JAK1: variants seen among roughly 807,000 people sequenced by gnomAD.
The protein encoded by JAK1 is Janus kinase 1.
In JAK1, 16 loss-of-function variants were observed where a neutral mutation model predicts 136.6. The observed-to-expected ratio is 0.12, with a 90% CI of 0.08 to 0.18. The LOEUF is 0.18. Among genes scored for constraint, JAK1 ranks in the 10% least tolerant of loss-of-function variants. The pLI is 1.00. For synonymous variants in JAK1, 492 were observed against 519.5 expected, an observed-to-expected ratio of 0.95 and a Z score of 0.72; for missense variants, 859 against 1,450.1, an observed-to-expected ratio of 0.59 and a Z score of 6.62.
At chr1:64,891,982 A>C (rs1007452824) in intron 1 of JAK1, among the ~76,000 whole-genome samples, 3 of 152,280 alleles carry the variant, frequency 2.0e-5, no homozygotes, top group Non-Finnish European at 2.9e-5. Flanking sequence ...AGGAGCCTGC[A>C]TTCAGTGAGA....
chr1:65,022,480 T>A (rs1328082744), intron 2 of JAK1, among the ~76,000 whole-genome samples: 1 of 152,074 alleles, frequency 6.6e-6, no homozygotes, highest in Non-Finnish European at 1.5e-5. Flanking sequence ...TCCATAGCCT[T>A]TCTGAGGCCC....
chr1:65,017,440 C>T (rs2100783867), intron 2 of JAK1, among the ~76,000 whole-genome samples: 1 of 152,144 alleles, frequency 6.6e-6, no homozygotes, highest in Non-Finnish European at 1.5e-5. Flanking sequence ...TGCACTCCAG[C>T]CTGGGCAACA....
intron 12 of JAK1, among the ~76,000 whole-genome samples, chr1:64,849,476 G>A (rs1655450414): frequency 6.6e-6 from 1 of 152,200 alleles, no homozygotes; most frequent in African/African-American, 2.4e-5. Context: ...GACGACAGGT[G>A]TGAGCCACTG....
intron 1 of JAK1, among the ~76,000 whole-genome samples, chr1:64,895,584 T>C (rs1450957703): frequency 6.6e-6 from 1 of 152,230 alleles, no homozygotes; most frequent in Non-Finnish European, 1.5e-5. Context: ...ACTTCTCTTT[T>C]CTCACAATGT....
chr1:65,024,832 C>T (rs2100800773), intron 2 of JAK1, among the ~76,000 whole-genome samples: 1 of 152,122 alleles, frequency 6.6e-6, no homozygotes, highest in Non-Finnish European at 1.5e-5. Flanking sequence ...CAAAAATTAG[C>T]CAGTCGTGGT....
intron 12 of JAK1, among the ~76,000 whole-genome samples, chr1:64,849,304 C>T (rs528159086): frequency 8.7e-4 from 133 of 152,324 alleles, no homozygotes; most frequent in Non-Finnish European, 1.5e-3. Context: ...ATCCTTCCAA[C>T]TCAGCCTCCT....
intron 11 of JAK1, among the ~76,000 whole-genome samples, chr1:64,855,008 T>C (rs1489098810): frequency 6.6e-6 from 1 of 152,242 alleles, no homozygotes; most frequent in Non-Finnish European, 1.5e-5. Flanking sequence ...CTCCAGGGTA[T>C]GATATCTATG....
chr1:65,037,807 A>T (rs116611675), intron 2 of JAK1, among the ~76,000 whole-genome samples: 1 of 152,274 alleles, frequency 6.6e-6, no homozygotes, highest in African/African-American at 2.4e-5. Flanking sequence ...TCAAGGCTGC[A>T]GTGAGCTGTG....
chr1:64,871,775 G>A (rs1322576618), intron 5 of JAK1, among the ~76,000 whole-genome samples: 3 of 152,144 alleles, frequency 2.0e-5, no homozygotes, highest in Non-Finnish European at 4.4e-5. Context: ...TGCTACACTA[G>A]GCCAAACCAG....
At chr1:64,838,435 A>G (rs368948803) in intron 21 of JAK1, 30 bp downstream of exon 21, 15 of 1,610,646 alleles carry the variant, frequency 9.3e-6, no homozygotes, top group Non-Finnish European at 1.1e-5. Context: ...CTGATGTCTT[A>G]ATCTGTAACA....
chr1:65,047,559 A>C (rs1388181010), intron 1 of JAK1, among the ~76,000 whole-genome samples: 1 of 152,138 alleles, frequency 6.6e-6, no homozygotes, highest in Non-Finnish European at 1.5e-5. Flanking sequence ...TCTACTAAAA[A>C]TACAAAACAA....
chr1:64,991,571 C>T (rs925202294), intron 2 of JAK1: 4 of 152,240 alleles, frequency 2.6e-5, no homozygotes, highest in Non-Finnish European at 5.9e-5. Flanking sequence ...CAGATGCCTG[C>T]TTTCAAAACT....
chr1:64,925,140 T>C (rs1226098358), intron 1 of JAK1, among the ~76,000 whole-genome samples: 3 of 152,004 alleles, frequency 2.0e-5, no homozygotes, highest in Non-Finnish European at 4.4e-5. Flanking sequence ...CTCATGCCTG[T>C]AATCCCAGCA....
At chr1:65,042,914 A>G (rs1647148332) in intron 2 of JAK1, among the ~76,000 whole-genome samples, 1 of 152,220 alleles carries the variant, frequency 6.6e-6, no homozygotes, top group Non-Finnish European at 1.5e-5. Flanking sequence ...AGAGAAGTGT[A>G]AAGATTCTCC....
intron 1 of JAK1, among the ~76,000 whole-genome samples, chr1:64,937,019 A>T (rs752040964): frequency 6.7e-6 from 1 of 148,328 alleles, no homozygotes; most frequent in Admixed American, 6.7e-5. Flanking sequence ...TACAGAAAAT[A>T]TTTCAAATGA....
intron 1 of JAK1, among the ~76,000 whole-genome samples, chr1:65,053,789 CT>C (rs1647400822): frequency 6.6e-6 from 1 of 152,200 alleles, no homozygotes; most frequent in African/African-American, 2.4e-5. Flanking sequence ...CCACTGCACT[CT>C]AAGCCTGAGC....
At chr1:65,053,140 G>GT (rs1171484276) in intron 1 of JAK1, among the ~76,000 whole-genome samples, 10 of 151,548 alleles carry the variant, frequency 6.6e-5, no homozygotes, top group African/African-American at 2.4e-4. Context: ...GAGGTCAGGA[G>GT]TTTGAGACCA....
chr1:64,970,151 A>AAAAAAAAAAAAAAAC (rs1256701898), upstream of JAK1, among the ~76,000 whole-genome samples: 6 of 148,140 alleles, frequency 4.1e-5, no homozygotes, highest in African/African-American at 1.5e-4. Flanking sequence ...AAAAAAAAAA[A>AAAAAAAAAAAAAAAC]AAAACGGCCG....
chr1:64,936,002 C>T (rs1426075311), intron 1 of JAK1, among the ~76,000 whole-genome samples: 1 of 152,206 alleles, frequency 6.6e-6, no homozygotes, highest in African/African-American at 2.4e-5. Flanking sequence ...CCTTGCCCCT[C>T]CCCATTTCAC....
Sources: gnomAD v4.1 joint callset for allele counts (sites outside exome capture counted in the v4.1 genomes callset) on GRCh38, gnomAD v4.1.1 for gene constraint, MANE v1.5 for transcripts, NCBI Gene and HGNC (gene_info 2026-07-23, HGNC 2026-07-21) for gene names.